ANXA6: variants seen among roughly 807,000 people sequenced by gnomAD.
ANXA6 encodes annexin A6.
ANXA6 carries 71 observed loss-of-function variants against 95.4 expected under a neutral mutation model. That is an observed-to-expected ratio of 0.74 (90% CI 0.61 to 0.91). The LOEUF is 0.91. ANXA6 is among the 40% of genes least tolerant of loss of function. The probability of loss-of-function intolerance (pLI) is 0.00; values close to 1 mark genes in which losing one functional copy is unlikely to be tolerated. For missense variants in ANXA6, 830 were observed against 876.4 expected, an observed-to-expected ratio of 0.95 and a Z score of 0.67; for synonymous variants, 289 against 315.9, an observed-to-expected ratio of 0.91 and a Z score of 0.90.
chr5:151,105,193 G>A, intron 24 of ANXA6, 52 bp downstream of exon 24: 1 of 1,503,552 alleles, frequency 6.7e-7, no homozygotes, highest in Non-Finnish European at 9.3e-7. Context: ...GTGTTTGTGT[G>A]TGTATGTAAG....
chr5:151,133,286 A>C, intron 8 of ANXA6, 99 bp from the exon 9 acceptor site: 1 of 744,878 alleles, frequency 1.3e-6, no homozygotes, highest in Non-Finnish European at 2.3e-6. Context: ...CCCTGAACAC[A>C]CGAGTAATTG....
intron 1 of ANXA6, among the ~76,000 whole-genome samples, chr5:151,154,436 T>C (rs1766184558): frequency 6.6e-6 from 1 of 150,712 alleles, no homozygotes. Context: ...TAATAAGGAG[T>C]CCAATAGTTT....
chr5:151,126,258 A>G (rs1581996585), intron 14 of ANXA6, 144 bp downstream of exon 14: 1 of 693,304 alleles, frequency 1.4e-6, no homozygotes, highest in East Asian at 2.7e-5. Context: ...CACCACTCCA[A>G]GGGAGAAAAG....
At position 151,140,190 on chromosome 5, in the gene ANXA6, C is replaced by T. The variant is rs189665450; in HGVS notation, c.72G>A (p.Gln24=). The T allele has an allele frequency of 2.5e-6, 4 of 1,613,962 alleles. No homozygotes were observed. The highest frequency in any genetic ancestry group is 2.5e-6 in the Non-Finnish European group (3 of 1,179,878). The change falls in exon 3 of 26, where the codon CAG becomes CAA. Residue 24 remains glutamine (Q), a synonymous_variant. Transcript: ENST00000354546. ...IHDFPGFDPN[Q]DAEALYTAMK... ...TGGCAGTGTACAGAGCCTCGGCATC[C>T]TGGTTGGGGTCAAAGCCTGGGAAGT...
chr5:151,120,544 C>T (rs1409424240), intron 17 of ANXA6, among the ~76,000 whole-genome samples: 1 of 152,084 alleles, frequency 6.6e-6, no homozygotes, highest in East Asian at 1.9e-4. Flanking sequence ...TGGTGAAACC[C>T]CTTCTCTACT....
At chr5:151,127,108 A>C (rs964854198) in intron 13 of ANXA6, among the ~76,000 whole-genome samples, 5 of 152,300 alleles carry the variant, frequency 3.3e-5, no homozygotes, top group Non-Finnish European at 5.9e-5. Flanking sequence ...TCTTCCTTAG[A>C]ATTTGAATGG....
At position 151,140,252 on chromosome 5, in the gene ANXA6, A is replaced by G. The variant is rs1350535854; in HGVS notation, c.19-9T>C. 1 of 1,613,370 alleles carries G rather than the reference A, an allele frequency of 6.2e-7. No individual in the cohort carries two copies. The highest frequency in any genetic ancestry group is 1.1e-5 in the South Asian group (1 of 91,028). On this transcript the variant is annotated splice_polypyrimidine_tract_variant and intron_variant, in intron 2 of 25. Transcript: ENST00000354546. ...CCCCGGTACTTGGCACCCTGTGGAG[A>G]AAAAAGTAGAGGGTGAGCTGCCAAC... is the stretch of plus-strand genomic sequence containing the variant.
At chr5:151,137,794 T>G (rs1410498537) in intron 5 of ANXA6, among the ~76,000 whole-genome samples, 1 of 152,198 alleles carries the variant, frequency 6.6e-6, no homozygotes, top group Non-Finnish European at 1.5e-5. Context: ...GAAGCCACAA[T>G]GCTTCCTGTT....
intron 20 of ANXA6, among the ~76,000 whole-genome samples, chr5:151,113,952 C>T (rs1397838266): frequency 2.6e-5 from 4 of 152,178 alleles, no homozygotes; most frequent in African/African-American, 4.8e-5. Flanking sequence ...TGCTACAACA[C>T]GGATGACCCG....
intron 8 of ANXA6, 167 bp from the exon 9 acceptor site, chr5:151,133,354 A>G (rs1022228393): frequency 3.4e-6 from 2 of 583,378 alleles, no homozygotes; most frequent in Middle Eastern, 4.6e-4. Context: ...ATGGGGATAC[A>G]TTCTGAGAAC....
At chr5:151,117,020 G>T in intron 20 of ANXA6, 107 bp downstream of exon 20, 1 of 1,054,312 alleles carries the variant, frequency 9.5e-7, no homozygotes, top group Non-Finnish European at 1.3e-6. Context: ...CCACGCCCCT[G>T]CCAGGAGCCT....
intron 23 of ANXA6, 123 bp from the exon 24 acceptor site, chr5:151,105,426 C>T (rs2113891633): frequency 1.2e-6 from 1 of 823,210 alleles, no homozygotes; most frequent in East Asian, 2.6e-5. Context: ...TCATTGTCAA[C>T]CCCAGGGTCA....
intron 20 of ANXA6, among the ~76,000 whole-genome samples, chr5:151,112,078 T>C (rs956135740): frequency 1.3e-5 from 2 of 152,100 alleles, no homozygotes; most frequent in Non-Finnish European, 2.9e-5. Flanking sequence ...TTATAGGCAC[T>C]GCACCTGGTC....
chr5:151,132,608 C>G lies in ANXA6; in HGVS notation c.641-37G>C, dbSNP rs1479713083. The G allele has an allele frequency of 5.2e-6, 8 of 1,546,560 alleles. No homozygotes were observed. The South Asian group carries it at 9.2e-5, about 18-fold the overall frequency. On this transcript the variant is annotated intron_variant, in intron 9 of 25. Transcript: ENST00000354546. ...AGAGAGACAGGGAGGTTTGAGAGTG[C>G]CTCTGTACCCCCGAGAAGAAATGAG... is the stretch of plus-strand genomic sequence containing the variant.
At position 151,110,622 on chromosome 5, in the gene ANXA6, C is replaced by T. The variant is rs771621387; in HGVS notation, c.1590+5G>A. 1 of 1,613,312 alleles carries T rather than the reference C, an allele frequency of 6.2e-7. No individual in the cohort carries two copies. The highest frequency in any genetic ancestry group is 1.1e-5 in the South Asian group (1 of 91,054). ...TAAAACCCAAATGAAGAACAGGACA[C>T]TCACCAAGATCTCAGCAGCCACCTG... On this transcript the variant is annotated splice_donor_5th_base_variant and intron_variant, in intron 21 of 25. Transcript: ENST00000354546.
chr5:151,134,266 C>A (rs145949304), intron 8 of ANXA6, among the ~76,000 whole-genome samples, 161 bp downstream of exon 8: 2 of 152,338 alleles, frequency 1.3e-5, no homozygotes, highest in East Asian at 3.9e-4. Flanking sequence ...TAACTTATAT[C>A]TTTTCTTCAA....
chr5:151,106,856 C>T (rs1427128036), intron 23 of ANXA6, among the ~76,000 whole-genome samples: 2 of 152,076 alleles, frequency 1.3e-5, no homozygotes, highest in African/African-American at 2.4e-5. Flanking sequence ...CATGGGACCC[C>T]GATGCCTGCC....
intron 11 of ANXA6, 82 bp downstream of exon 11, chr5:151,131,149 T>C: frequency 6.8e-7 from 1 of 1,473,618 alleles, no homozygotes; most frequent in Non-Finnish European, 9.5e-7. Flanking sequence ...GGGCTCTCTT[T>C]GGCCACTGGA....
intron 7 of ANXA6, 106 bp downstream of exon 7, chr5:151,136,150 A>G (rs373541549): frequency 8.3e-6 from 9 of 1,084,516 alleles, no homozygotes; most frequent in East Asian, 7.6e-5. Flanking sequence ...CTGCCTGTGC[A>G]AACCAGGGGA....
Sources: gnomAD v4.1 joint callset for allele counts (sites outside exome capture counted in the v4.1 genomes callset) on GRCh38, gnomAD v4.1.1 for gene constraint, MANE v1.5 for transcripts, NCBI Gene and HGNC (gene_info 2026-07-23, HGNC 2026-07-21) for gene names.